The following MBOAT1 variants were observed in gnomAD, a reference collection of about 807,000 sequenced individuals.
MBOAT1 encodes membrane bound glycerophospholipid O-acyltransferase 1.
MBOAT1 carries 67 observed loss-of-function variants against 64.4 expected under a neutral mutation model. That is an observed-to-expected ratio of 1.04 (90% CI 0.85 to 1.27). The LOEUF is 1.27. Ranked by LOEUF, MBOAT1 falls within the 50% of genes most tolerant of loss-of-function variation. The pLI is 0.00. For missense variants in MBOAT1, 563 were observed against 604.6 expected (o/e 0.93, Z 0.72); for synonymous variants, 229 against 218.9 (o/e 1.05, Z -0.41).
chr6:20,111,859 CATATATATACAT>C (rs1554115576), intron 11 of MBOAT1, among the ~76,000 whole-genome samples: 1 of 108,644 alleles, frequency 9.2e-6, no homozygotes, highest in Non-Finnish European at 1.8e-5. Context: ...TATATATATA[CATATATATACAT>C]ATATATATGT....
intron 6 of MBOAT1, among the ~76,000 whole-genome samples, chr6:20,126,957 C>T (rs1760672258): frequency 6.6e-6 from 1 of 152,118 alleles, no homozygotes; most frequent in Non-Finnish European, 1.5e-5. Context: ...CAGAGCTGGG[C>T]GAGGGCAAGT....
intron 7 of MBOAT1, 22 bp from the exon 8 acceptor site, chr6:20,124,622 T>C: frequency 6.2e-7 from 1 of 1,612,166 alleles, no homozygotes; most frequent in South Asian, 1.1e-5. Flanking sequence ...GAAAAATCAG[T>C]GTCACCGTGC....
intron 4 of MBOAT1, among the ~76,000 whole-genome samples, chr6:20,142,904 C>T (rs919050158): frequency 3.3e-5 from 5 of 152,326 alleles, no homozygotes; most frequent in African/African-American, 1.2e-4. Context: ...AAAAACCAGT[C>T]TGAGACCAAA....
intron 4 of MBOAT1, among the ~76,000 whole-genome samples, chr6:20,142,725 T>C (rs843325): frequency 0.95 from 144,692 of 152,204 alleles, 69,160 homozygotes; most frequent in East Asian, 1. Flanking sequence ...GCTGGAATTA[T>C]AGGCATGAGC....
At chr6:20,178,247 G>A (rs896288155) in intron 1 of MBOAT1, among the ~76,000 whole-genome samples, 19 of 152,016 alleles carry the variant, frequency 1.2e-4, no homozygotes, top group Non-Finnish European at 1.5e-5. Context: ...TTCTATTTCT[G>A]TTTTACATTT....
chr6:20,128,769 G>T lies in MBOAT1; in HGVS notation c.476-16C>A, dbSNP rs370823462. On this transcript the variant is annotated splice_polypyrimidine_tract_variant and intron_variant, in intron 5 of 12. Transcript: ENST00000324607. ...CGACCTAATCCTATGAAAAAGAAAA[G>T]AATTTAGAAATAAGATGTTTGAAGT... 9.7e-5 allele frequency: 153 copies of T among 1,579,990 alleles called. No homozygotes were observed. The highest frequency in any genetic ancestry group is 3.4e-4 in the Middle Eastern group (2 of 5,944).
At chr6:20,165,932 G>A (rs1561771722) in intron 1 of MBOAT1, among the ~76,000 whole-genome samples, 1 of 151,794 alleles carries the variant, frequency 6.6e-6, no homozygotes, top group Non-Finnish European at 1.5e-5. Context: ...TCATTTTTTA[G>A]CTAATTTCAT....
intron 8 of MBOAT1, among the ~76,000 whole-genome samples, chr6:20,123,254 AT>A (rs1489155753): frequency 6.6e-6 from 1 of 152,230 alleles, no homozygotes; most frequent in African/African-American, 2.4e-5. Flanking sequence ...CTATTCCCTC[AT>A]TCGTGAGATG....
chr6:20,196,722 A>T (rs965447911), intron 1 of MBOAT1, among the ~76,000 whole-genome samples: 1 of 152,052 alleles, frequency 6.6e-6, no homozygotes, highest in East Asian at 1.9e-4. Flanking sequence ...TTAGCTGGGC[A>T]TGATGGTGCA....
At position 20,109,721 on chromosome 6, in the gene MBOAT1, A is replaced by G. The variant is rs1270776024; in HGVS notation, c.1238T>C (p.Leu413Pro). 5 of 1,614,112 alleles carry G rather than the reference A, an allele frequency of 3.1e-6. No individual in the cohort carries two copies. In the East Asian group the frequency reaches 1.1e-4, roughly 36 times the overall value. The change falls in exon 12 of 13, where the codon CTT (leucine) becomes CCT (proline). Residue 413 changes from leucine to proline, a missense_variant. Coordinates refer to ENST00000324607, the MANE Select transcript of MBOAT1 (RefSeq NM_001080480.3). ...CACAGCCTTGAGAGCTCTTGAAGAA[A>G]GGAAGTAATGTCTGTAGTTGTTCCT... is the stretch of plus-strand genomic sequence containing the variant. ...AVRNNYRHYFLSSRALKAVYD... is the reference protein window; with the variant it reads ...AVRNNYRHYFPSSRALKAVYD...
intron 4 of MBOAT1, among the ~76,000 whole-genome samples, chr6:20,143,406 G>A (rs1342119125): frequency 6.6e-6 from 1 of 152,224 alleles, no homozygotes. Flanking sequence ...GAGGCCTGGG[G>A]GCCGGGGCAA....
intron 1 of MBOAT1, among the ~76,000 whole-genome samples, chr6:20,168,596 AAAGAGAG>A (rs1404322221): frequency 1.5e-5 from 1 of 65,896 alleles, no homozygotes; most frequent in Non-Finnish European, 2.9e-5. Context: ...AGAGGGAGAG[AAAGAGAG>A]AAGAGAAGAG....
chr6:20,133,463 G>A lies in MBOAT1; in HGVS notation c.420-2264C>T, dbSNP rs140172429. On this transcript the variant is annotated intron_variant, in intron 4 of 12. Coordinates refer to ENST00000324607, the MANE Select transcript of MBOAT1 (RefSeq NM_001080480.3). ...ACACATGAAGAGGGCTATTTTTCTG[G>A]AAAGAGATTCACTCGAAGCATCACA... 2.2e-3 allele frequency among the ~76,000 whole-genome samples: 339 copies of A among 152,258 alleles called. 1 individual carries two copies. The highest frequency in any genetic ancestry group is 7.7e-3 in the African/African-American group (320 of 41,550).
At chr6:20,163,164 G>A (rs984079967) in intron 1 of MBOAT1, among the ~76,000 whole-genome samples, 4 of 152,140 alleles carry the variant, frequency 2.6e-5, no homozygotes, top group Non-Finnish European at 4.4e-5. Context: ...TGATATCTAC[G>A]TATTTCAGCC....
chr6:20,199,045 G>C (rs62397946), intron 1 of MBOAT1, among the ~76,000 whole-genome samples: 7,347 of 152,272 alleles, frequency 0.048, 204 homozygotes, highest in African/African-American at 0.06. Flanking sequence ...CCTCTTCAAA[G>C]AAGGCAAAGG....
chr6:20,185,118 C>T (rs1292988262), intron 1 of MBOAT1, among the ~76,000 whole-genome samples: 1 of 152,006 alleles, frequency 6.6e-6, no homozygotes, highest in Non-Finnish European at 1.5e-5. Flanking sequence ...GGCACAGTGA[C>T]ACATGCCTCA....
intron 1 of MBOAT1, among the ~76,000 whole-genome samples, chr6:20,157,919 G>A (rs1186736161): frequency 6.6e-6 from 1 of 152,034 alleles, no homozygotes; most frequent in East Asian, 1.9e-4. Flanking sequence ...ACTTTGGGAG[G>A]CCAAGGCGCG....
chr6:20,148,793 G>C (rs1056461733), intron 3 of MBOAT1, among the ~76,000 whole-genome samples: 1 of 152,114 alleles, frequency 6.6e-6, no homozygotes, highest in Non-Finnish European at 1.5e-5. Context: ...AATATTGGCA[G>C]CCACAAGAGC....
chr6:20,107,174 G>A (rs899024650), intron 12 of MBOAT1, among the ~76,000 whole-genome samples: 1 of 152,064 alleles, frequency 6.6e-6, no homozygotes, highest in East Asian at 1.9e-4. Context: ...ACCCTCTCTT[G>A]AGTCTCCACT....
Sources: allele counts gnomAD v4.1 joint callset (sites outside exome capture counted in the v4.1 genomes callset), GRCh38; gene constraint gnomAD v4.1.1; transcripts MANE v1.5; gene names NCBI Gene and HGNC (gene_info 2026-07-23, HGNC 2026-07-21).